The following POSTN variants were observed in gnomAD, a reference collection of about 807,000 sequenced individuals.
The protein encoded by POSTN is osteoblast specific factor 2 (fasciclin I-like).
POSTN carries 71 observed loss-of-function variants against 104.5 expected under a neutral mutation model. The observed-to-expected ratio is 0.68, with a 90% CI of 0.56 to 0.83. The LOEUF is 0.83. Ranked by LOEUF, POSTN falls within the 40% of genes least tolerant of loss-of-function variation. The pLI is 0.00. For synonymous variants in POSTN, 355 were observed against 340.7 expected (o/e 1.04, Z -0.46); for missense variants, 949 against 1,006.8 (o/e 0.94, Z 0.78).
At chr13:37,563,962 T>C (rs1316903449) in intron 22 of POSTN, among the ~76,000 whole-genome samples, 2 of 151,700 alleles carry the variant, frequency 1.3e-5, no homozygotes, top group Admixed American at 6.6e-5. Flanking sequence ...CATATTTAAA[T>C]GAACATTTTG....
At chr13:37,583,717 G>C (rs892120020) in intron 9 of POSTN, among the ~76,000 whole-genome samples, 1 of 151,924 alleles carries the variant, frequency 6.6e-6, no homozygotes, top group Non-Finnish European at 1.5e-5. Context: ...GAGCCACCAC[G>C]CCTGGCCTGA....
At chr13:37,567,491 GA>G (rs1950149046) in intron 21 of POSTN, among the ~76,000 whole-genome samples, 1 of 152,028 alleles carries the variant, frequency 6.6e-6, no homozygotes, top group South Asian at 2.1e-4. Flanking sequence ...TAGATAGCTG[GA>G]AAAAAGAAAA....
chr13:37,584,027 A>C lies in POSTN; in HGVS notation c.1185T>G (p.Ser395=), dbSNP rs748208986. ...TGTATTCTCCATCTGGCCTCAGAGCAGATGCCAAGCCTAATTGGGCCACAA... is the reference window on the plus strand; with the variant it reads ...TGTATTCTCCATCTGGCCTCAGAGCCGATGCCAAGCCTAATTGGGCCACAA... ...TDLVAQLGLA[S]ALRPDGEYTL... The change falls in exon 9 of 23, where the codon TCT becomes TCG. Residue 395 remains serine, a synonymous_variant. Transcript: ENST00000379747. The C allele has an allele frequency of 6.2e-7, 1 of 1,614,004 alleles. No homozygotes were observed. The highest frequency in any genetic ancestry group is 8.5e-7 in the Non-Finnish European group (1 of 1,179,970).
rs1412427059 is a variant in POSTN, at chr13:37,570,565, G to A, written c.2269+15C>T. 6.6e-7 allele frequency: 1 copy of A among 1,515,718 alleles called. No homozygotes were observed. 93.9% of individuals were successfully genotyped at this position (1,515,718 alleles called of 1,614,324 possible). A position where few individuals can be genotyped will look rare whatever the true frequency, so the allele number is the denominator to read the frequency against. ...ATAATCTAGGCATAGATCCATGTAT[G>A]GAATTAATGGCTACCTGTAATGATT... is the stretch of plus-strand genomic sequence containing the variant. On this transcript the variant is annotated intron_variant, in intron 19 of 22. Transcript: ENST00000379747.
intron 1 of POSTN, 52 bp downstream of exon 1, chr13:37,598,556 A>G (rs1033311579): frequency 1.3e-6 from 2 of 1,554,176 alleles, no homozygotes; most frequent in African/African-American, 2.7e-5. Context: ...TTGAACATCT[A>G]ACAAGCTGAG....
Position 37,597,294 on chromosome 13 carries a change from A to C in POSTN, c.120-12T>G. ...CACAGACATTTGGGCTGGAGGATAG[A>C]GGGAAAGGAAAAAAGTTAATGTCCT... On this transcript the variant is annotated splice_polypyrimidine_tract_variant and intron_variant, in intron 1 of 22. Transcript: ENST00000379747. 6.5e-7 allele frequency: 1 copy of C among 1,544,230 alleles called. No individual in the cohort carries two copies. The highest frequency in any genetic ancestry group is 8.7e-7 in the Non-Finnish European group (1 of 1,142,976).
At chr13:37,588,525 T>G (rs921436871) in intron 4 of POSTN, among the ~76,000 whole-genome samples, 1 of 152,122 alleles carries the variant, frequency 6.6e-6, no homozygotes, top group African/African-American at 2.4e-5. Flanking sequence ...GTTTATCATA[T>G]AGCAGCAGGT....
chr13:37,569,998 G>A (rs1950218424), intron 19 of POSTN, among the ~76,000 whole-genome samples, 177 bp from the exon 20 acceptor site: 1 of 151,922 alleles, frequency 6.6e-6, no homozygotes, highest in Non-Finnish European at 1.5e-5. Flanking sequence ...GGGAAAGACT[G>A]TGTTCCGATA....
At chr13:37,593,109 G>T (rs999399608) in intron 2 of POSTN, among the ~76,000 whole-genome samples, 1 of 151,004 alleles carries the variant, frequency 6.6e-6, no homozygotes, top group Non-Finnish European at 1.5e-5. Context: ...CAAGAAAGTG[G>T]CATCCTGTTT....
intron 22 of POSTN, among the ~76,000 whole-genome samples, chr13:37,563,595 AT>A (rs1206386470): frequency 6.6e-6 from 1 of 152,080 alleles, no homozygotes; most frequent in Non-Finnish European, 1.5e-5. Context: ...TCTTTAGAAA[AT>A]TTGTGTCAAT....
chr13:37,578,682 C>T (rs972498816), intron 15 of POSTN, among the ~76,000 whole-genome samples, 162 bp downstream of exon 15: 2 of 150,770 alleles, frequency 1.3e-5, no homozygotes, highest in African/African-American at 4.9e-5. Context: ...GCCTGTAGTC[C>T]CAGCTACTCG....
chr13:37,597,230 T>A lies in POSTN; in HGVS notation c.172A>T (p.Ser58Cys). The A allele has an allele frequency of 6.3e-7, 1 of 1,587,286 alleles. No homozygotes were observed. The highest frequency in any genetic ancestry group is 8.5e-7 in the Non-Finnish European group (1 of 1,170,404). Residue 58 changes from serine to cysteine, a missense_variant, in exon 2 of 23, where the codon AGC (serine) becomes TGC (cysteine). Coordinates refer to ENST00000379747, the MANE Select transcript of POSTN (RefSeq NM_006475.3). ...QILGTKKKYFSTCKNWYKKSI... is the reference protein window; with the variant it reads ...QILGTKKKYFCTCKNWYKKSI... ...TTTTTATACCAGTTCTTACAAGTGC[T>A]GAAGTATTTCTTTTTGGTGCCCAAA... is the stretch of plus-strand genomic sequence containing the variant.
rs1465926344 is a variant in POSTN, at chr13:37,586,762, C to G, written c.753+20G>C. The G allele has an allele frequency of 2.5e-6, 4 of 1,599,080 alleles. No individual in the cohort carries two copies. Among genetic ancestry groups the G allele is most frequent in the Non-Finnish European group, 3.4e-6 (4 of 1,171,614 alleles). ...GAAGAGGGATTTCAATGACTCAAGA[C>G]AATCTGCTCTTGGACTTACTCTAAA... On this transcript the variant is annotated intron_variant, in intron 6 of 22. Coordinates refer to ENST00000379747, the MANE Select transcript of POSTN (RefSeq NM_006475.3).
intron 4 of POSTN, 70 bp downstream of exon 4, chr13:37,590,302 T>G: frequency 7.9e-7 from 1 of 1,259,052 alleles, no homozygotes; most frequent in Non-Finnish European, 1.1e-6. Flanking sequence ...ATATCCAAGT[T>G]AATAAGTCAG....
chr13:37,564,638 C>T, intron 21 of POSTN, 78 bp from the exon 22 acceptor site: 3 of 810,380 alleles, frequency 3.7e-6, no homozygotes, highest in East Asian at 5.0e-5. Context: ...TTAAACAGAA[C>T]AGTGTAAAGT....
intron 21 of POSTN, among the ~76,000 whole-genome samples, chr13:37,568,116 A>C (rs1950168665): frequency 6.6e-6 from 1 of 152,004 alleles, no homozygotes. Context: ...TAGATAGTGA[A>C]TTCTTTGTTA....
intron 2 of POSTN, among the ~76,000 whole-genome samples, chr13:37,596,302 T>C (rs1428001898): frequency 6.6e-6 from 1 of 152,158 alleles, no homozygotes; most frequent in Non-Finnish European, 1.5e-5. Flanking sequence ...TGCACTGTTT[T>C]CTTGACTGGG....
chr13:37,595,689 G>C (rs1220520257), intron 2 of POSTN, among the ~76,000 whole-genome samples: 1 of 151,906 alleles, frequency 6.6e-6, no homozygotes. Flanking sequence ...ATGCATTATG[G>C]TTACTTAGTA....
chr13:37,563,054 A>G lies in POSTN; in HGVS notation c.*279T>C. On this transcript the variant is annotated 3_prime_UTR_variant, in exon 23 of 23. Transcript: ENST00000379747. ...ATCTGGTGACAAGGATTTTTCTCTA[A>G]TGGATTCCAAAGTTAGCCAGAACTT... 4.0e-6 allele frequency: 1 copy of G among 249,248 alleles called. No individual in the cohort carries two copies. The highest frequency in any genetic ancestry group is 7.6e-6 in the Non-Finnish European group (1 of 130,826). The allele number at this position is 249,248 out of a possible 1,614,324, so 15.4% of individuals were successfully genotyped here.
Sources: allele counts gnomAD v4.1 joint callset (sites outside exome capture counted in the v4.1 genomes callset), GRCh38; gene constraint gnomAD v4.1.1; transcripts MANE v1.5; gene names NCBI Gene and HGNC (gene_info 2026-07-23, HGNC 2026-07-21).